ERC1: variants seen among roughly 807,000 people sequenced by gnomAD.
The protein encoded by ERC1 is RAB6 interacting protein 2.
In ERC1, 56 loss-of-function variants were observed where a neutral mutation model predicts 132.0. The observed-to-expected ratio is 0.42, with a 90% confidence interval of 0.34 to 0.53. The LOEUF (loss-of-function observed/expected upper bound fraction) is 0.53. Ranked by LOEUF, ERC1 falls within the 20% of genes least tolerant of loss-of-function variation. The probability of loss-of-function intolerance (pLI) is 0.03; values close to 1 mark genes in which losing one functional copy is unlikely to be tolerated. For missense variants in ERC1, 1,202 were observed against 1,349.9 expected (o/e 0.89, Z 1.72); for synonymous variants, 478 against 476.1 (o/e 1.00, Z -0.05).
intron 12 of ERC1, among the ~76,000 whole-genome samples, chr12:1,197,121 C>T (rs957180009): frequency 6.6e-6 from 1 of 151,408 alleles, no homozygotes; most frequent in Non-Finnish European, 1.5e-5. Flanking sequence ...GCTGGGAATA[C>T]AGGCATACAC....
chr12:1,389,110 C>A (rs1165399483), intron 16 of ERC1, among the ~76,000 whole-genome samples: 2 of 152,152 alleles, frequency 1.3e-5, no homozygotes, highest in African/African-American at 4.8e-5. Flanking sequence ...ACTGGCCAGT[C>A]AGATGTCTGG....
intron 8 of ERC1, among the ~76,000 whole-genome samples, chr12:1,162,511 T>C (rs1483599368): frequency 6.6e-6 from 1 of 151,642 alleles, no homozygotes; most frequent in African/African-American, 2.4e-5. Context: ...TCCTAGTTGG[T>C]TCTTTAAGTC....
At chr12:1,392,749 A>T (rs970189473) in intron 16 of ERC1, among the ~76,000 whole-genome samples, 1 of 152,232 alleles carries the variant, frequency 6.6e-6, no homozygotes, top group African/African-American at 2.4e-5. Context: ...ATAATTTAAG[A>T]TACTTTTCTA....
chr12:1,029,013 TCA>T (rs1172421261), intron 2 of ERC1, among the ~76,000 whole-genome samples: 1 of 152,188 alleles, frequency 6.6e-6, no homozygotes, highest in Non-Finnish European at 1.5e-5. Context: ...AAAATGACTA[TCA>T]CAGGATAAGT....
intron 12 of ERC1, among the ~76,000 whole-genome samples, chr12:1,216,061 C>T (rs1399171195): frequency 6.6e-6 from 1 of 152,014 alleles, no homozygotes; most frequent in Non-Finnish European, 1.5e-5. Context: ...AATAAATTGT[C>T]CCCAAATTTT....
chr12:1,350,699 T>C (rs776465791), intron 15 of ERC1, among the ~76,000 whole-genome samples: 3 of 152,228 alleles, frequency 2.0e-5, no homozygotes, highest in African/African-American at 2.4e-5. Context: ...TGTATCTGTC[T>C]TAGTCTGTTG....
At chr12:1,003,323 T>G (rs1387505136) in intron 1 of ERC1, among the ~76,000 whole-genome samples, 1 of 152,160 alleles carries the variant, frequency 6.6e-6, no homozygotes, top group Non-Finnish European at 1.5e-5. Context: ...TTTGTTAAAT[T>G]TAGTCCTAGT....
chr12:1,325,615 A>T (rs1466862092), intron 15 of ERC1, among the ~76,000 whole-genome samples: 1 of 152,148 alleles, frequency 6.6e-6, no homozygotes, highest in East Asian at 1.9e-4. Flanking sequence ...TATATATTTT[A>T]ACTTTCTTTG....
Position 1,344,085 on chromosome 12 carries a change from C to CT in ERC1, c.2781-27748_2781-27747insT, listed in dbSNP as rs2084194281. Among the ~76,000 whole-genome samples, 8 of 152,184 alleles carry CT rather than the reference C, an allele frequency of 5.3e-5. No homozygotes were observed. The South Asian group carries it at 1.7e-3, about 31-fold the overall frequency. On this transcript the variant is annotated intron_variant, in intron 15 of 18. Coordinates refer to ENST00000360905, the MANE Select transcript of ERC1 (RefSeq NM_178040.4). Reference sequence around the variant, plus strand: ...CTCGATCTCCTGACCTCGTGATCCCCCCACTTCGGCCTCCCAAAGTGCTGG... The same window carrying CT: ...CTCGATCTCCTGACCTCGTGATCCCCTCCACTTCGGCCTCCCAAAGTGCTGG...
At chr12:1,367,011 A>G (rs2086726607) in intron 15 of ERC1, among the ~76,000 whole-genome samples, 1 of 152,210 alleles carries the variant, frequency 6.6e-6, no homozygotes, top group African/African-American at 2.4e-5. Context: ...TGGTTTTCAC[A>G]GAGTTTATTT....
chr12:1,416,206 C>A lies in ERC1; in HGVS notation c.3024+7959C>A, dbSNP rs78746936. Among the ~76,000 whole-genome samples the A allele has an allele frequency of 3.6e-3, 542 of 152,232 alleles. 4 individuals carry two copies. The highest frequency in any genetic ancestry group is 0.012 in the African/African-American group (512 of 41,546). On this transcript the variant is annotated intron_variant, in intron 17 of 18. Coordinates refer to ENST00000360905, the MANE Select transcript of ERC1 (RefSeq NM_178040.4). The stretch of plus-strand genomic sequence containing the variant: ...ATATCTGTAGGTTACCCAAGACAGA[C>A]CCTCACTGAAAAGAAACTAAGTGGT...
intron 15 of ERC1, among the ~76,000 whole-genome samples, chr12:1,305,452 A>C (rs2080807313): frequency 6.6e-6 from 1 of 152,164 alleles, no homozygotes; most frequent in African/African-American, 2.4e-5. Context: ...CCTGAGCCCC[A>C]GTCCTGGGAT....
chr12:1,081,751 T>G (rs886627974), intron 2 of ERC1, among the ~76,000 whole-genome samples: 2 of 152,176 alleles, frequency 1.3e-5, no homozygotes, highest in Non-Finnish European at 2.9e-5. Flanking sequence ...TTGGTTGAGA[T>G]GAATAAACTC....
chr12:1,257,523 G>A (rs1206341709), intron 13 of ERC1, among the ~76,000 whole-genome samples: 1 of 152,140 alleles, frequency 6.6e-6, no homozygotes, highest in Non-Finnish European at 1.5e-5. Context: ...CTCTGTTAGA[G>A]TAATAAATGC....
At chr12:1,200,393 CT>C in intron 12 of ERC1, among the ~76,000 whole-genome samples, 1 of 152,234 alleles carries the variant, frequency 6.6e-6, no homozygotes, top group Middle Eastern at 3.4e-3. Context: ...GAAAACTTTA[CT>C]GACCTCCTTT....
intron 16 of ERC1, among the ~76,000 whole-genome samples, chr12:1,385,564 C>T (rs1257166438): frequency 1.3e-5 from 2 of 152,292 alleles, no homozygotes; most frequent in Admixed American, 6.5e-5. Flanking sequence ...GGATTCCAGG[C>T]GTGAGCCACC....
chr12:1,120,946 C>G (rs1225978363), intron 7 of ERC1, among the ~76,000 whole-genome samples: 5 of 152,132 alleles, frequency 3.3e-5, no homozygotes, highest in Non-Finnish European at 7.3e-5. Context: ...CAGCCCAGTT[C>G]TGACTTCTTC....
intron 14 of ERC1, among the ~76,000 whole-genome samples, chr12:1,272,745 C>G (rs905102243): frequency 6.6e-6 from 1 of 151,896 alleles, no homozygotes; most frequent in African/African-American, 2.4e-5. Context: ...GTCAAGAGTT[C>G]AAGACCAGCC....
At chr12:1,480,545 G>A (rs192050523) in intron 18 of ERC1, among the ~76,000 whole-genome samples, 28 of 152,312 alleles carry the variant, frequency 1.8e-4, no homozygotes, top group Admixed American at 1.3e-3. Flanking sequence ...ACATTACTGC[G>A]TTTGGATTTG....
Sources: allele counts gnomAD v4.1 joint callset (sites outside exome capture counted in the v4.1 genomes callset), GRCh38; gene constraint gnomAD v4.1.1; transcripts MANE v1.5; gene names NCBI Gene and HGNC (gene_info 2026-07-23, HGNC 2026-07-21).